ATP13A5: variants seen among roughly 807,000 people sequenced by gnomAD.
ATP13A5 encodes probable cation-transporting ATPase 13A5.
ATP13A5 carries 149 observed loss-of-function variants against 150.2 expected under a neutral mutation model. That is an observed-to-expected ratio of 0.99 (90% CI 0.87 to 1.14). The LOEUF is 1.14. Among genes scored for constraint, ATP13A5 ranks in the 50% most tolerant of loss-of-function variants. The pLI, the probability that ATP13A5 is intolerant of heterozygous loss-of-function variation, is 0.00. For synonymous variants in ATP13A5, 497 were observed against 522.2 expected (o/e 0.95, Z 0.66); for missense variants, 1,383 against 1,449.3 (o/e 0.95, Z 0.74).
chr3:193,327,449 A>G (rs1463346015), intron 12 of ATP13A5, among the ~76,000 whole-genome samples: 1 of 151,750 alleles, frequency 6.6e-6, no homozygotes, highest in African/African-American at 2.4e-5. Context: ...TTTTTTGTTC[A>G]TTTTCGAGAC....
intron 2 of ATP13A5, 117 bp downstream of exon 2, chr3:193,363,990 C>G (rs1713140499): frequency 1.5e-5 from 18 of 1,185,486 alleles, no homozygotes; most frequent in Non-Finnish European, 2.1e-5. Context: ...TATGGAAACT[C>G]TTTAAATAGA....
chr3:193,320,086 C>CTTATAGGT (rs1200558111), intron 16 of ATP13A5, among the ~76,000 whole-genome samples: 1 of 152,152 alleles, frequency 6.6e-6, no homozygotes, highest in East Asian at 1.9e-4. Flanking sequence ...TATAACGTAC[C>CTTATAGGT]TATAAGGGTA....
chr3:193,307,487 C>T, intron 21 of ATP13A5, 118 bp from the exon 22 acceptor site: 2 of 1,205,300 alleles, frequency 1.7e-6, no homozygotes, highest in Admixed American at 2.0e-5. Flanking sequence ...CCCCTGAACA[C>T]ACCTGGAATC....
intron 23 of ATP13A5, among the ~76,000 whole-genome samples, chr3:193,304,245 T>C (rs73074719): frequency 0.015 from 2,306 of 152,308 alleles, 77 homozygotes; most frequent in African/African-American, 0.053. Context: ...AGGAGTAGAC[T>C]GTTCTTAGAA....
chr3:193,367,881 A>G (rs1713289682), intron 1 of ATP13A5, among the ~76,000 whole-genome samples: 1 of 152,042 alleles, frequency 6.6e-6, no homozygotes, highest in Non-Finnish European at 1.5e-5. Flanking sequence ...TTAAGTTACA[A>G]CCAAAATGAG....
chr3:193,309,011 G>T (rs1470197827), intron 21 of ATP13A5, among the ~76,000 whole-genome samples: 1 of 151,994 alleles, frequency 6.6e-6, no homozygotes, highest in Admixed American at 6.6e-5. Context: ...ACAATAAAAG[G>T]GTGTCTCCTG....
chr3:193,308,907 T>C (rs1184755643), intron 21 of ATP13A5, among the ~76,000 whole-genome samples: 1 of 152,232 alleles, frequency 6.6e-6, no homozygotes, highest in Non-Finnish European at 1.5e-5. Context: ...GAAATAGTCA[T>C]TTAGTCACTG....
At chr3:193,347,400 T>C in intron 7 of ATP13A5, among the ~76,000 whole-genome samples, 1 of 152,188 alleles carries the variant, frequency 6.6e-6, no homozygotes, top group Non-Finnish European at 1.5e-5. Context: ...ATCATTTACT[T>C]ACTAGGTAAA....
At chr3:193,315,204 A>G (rs1373804539) in intron 17 of ATP13A5, 108 bp from the exon 18 acceptor site, 2 of 1,130,124 alleles carry the variant, frequency 1.8e-6, no homozygotes, top group African/African-American at 3.2e-5. Context: ...CAATACAGGC[A>G]CATTTTAAAA....
chr3:193,337,911 G>T (rs887715652), intron 9 of ATP13A5, among the ~76,000 whole-genome samples: 6 of 152,158 alleles, frequency 3.9e-5, no homozygotes, highest in Non-Finnish European at 7.3e-5. Flanking sequence ...ATTTCATTGA[G>T]CAGTGGTTTG....
At chr3:193,363,795 T>C (rs1713131614) in intron 2 of ATP13A5, among the ~76,000 whole-genome samples, 1 of 152,190 alleles carries the variant, frequency 6.6e-6, no homozygotes, top group African/African-American at 2.4e-5. Context: ...CATGTTATGG[T>C]CTCTAAACGC....
intron 11 of ATP13A5, among the ~76,000 whole-genome samples, chr3:193,331,659 G>T (rs529929442): frequency 2.0e-5 from 3 of 152,284 alleles, no homozygotes; most frequent in Non-Finnish European, 4.4e-5. Context: ...TAGATTGAAT[G>T]GATGGCAATA....
intron 18 of ATP13A5, chr3:193,314,446 TAAGC>T (rs1269342165): frequency 2.3e-6 from 1 of 429,730 alleles, no homozygotes; most frequent in African/African-American, 2.0e-5. Flanking sequence ...AAGAAATACT[TAAGC>T]ATTTATGACC....
intron 25 of ATP13A5, among the ~76,000 whole-genome samples, chr3:193,298,574 G>C (rs1718266516): frequency 6.6e-6 from 1 of 152,074 alleles, no homozygotes; most frequent in Non-Finnish European, 1.5e-5. Flanking sequence ...TTGCTCTCTG[G>C]TGAGGCAGTC....
chr3:193,306,891 A>G (rs1422495102), intron 22 of ATP13A5, among the ~76,000 whole-genome samples: 2 of 152,234 alleles, frequency 1.3e-5, no homozygotes, highest in Non-Finnish European at 1.5e-5. Context: ...TTTGGCAGGA[A>G]TAAATATAAT....
At chr3:193,290,135 A>T in intron 25 of ATP13A5, 76 bp from the exon 26 acceptor site, 1 of 1,408,432 alleles carries the variant, frequency 7.1e-7, no homozygotes, top group Non-Finnish European at 9.5e-7. Flanking sequence ...GATGCATATT[A>T]TCTTGAGTCT....
At chr3:193,323,608 G>A (rs112891696) in intron 14 of ATP13A5, 2 of 152,332 alleles carry the variant, frequency 1.3e-5, no homozygotes, top group East Asian at 1.9e-4. Context: ...ACTCATCACC[G>A]TGTTTATCCC....
intron 27 of ATP13A5, among the ~76,000 whole-genome samples, chr3:193,283,504 G>A (rs1717590598): frequency 6.6e-6 from 1 of 152,162 alleles, no homozygotes; most frequent in Non-Finnish European, 1.5e-5. Context: ...CTCCTCACTG[G>A]TGATCAAAGA....
chr3:193,334,726 C>T (rs947798838), intron 10 of ATP13A5, among the ~76,000 whole-genome samples: 2 of 152,154 alleles, frequency 1.3e-5, no homozygotes, highest in Non-Finnish European at 2.9e-5. Flanking sequence ...CCTACACATA[C>T]CCTTCATCAC....
Sources: gnomAD v4.1 joint callset for allele counts (sites outside exome capture counted in the v4.1 genomes callset) on GRCh38, gnomAD v4.1.1 for gene constraint, MANE v1.5 for transcripts, NCBI Gene and HGNC (gene_info 2026-07-23, HGNC 2026-07-21) for gene names.